The following C5AR2 variants were observed in gnomAD, a reference collection of about 807,000 sequenced individuals.
C5AR2 encodes C5a anaphylatoxin chemotactic receptor 2.
For synonymous variants in C5AR2, 224 were observed against 216.5 expected (o/e 1.03, Z -0.30); for missense variants, 458 against 467.5 (o/e 0.98, Z 0.19).
chr19:47,340,927 C>A lies in C5AR2; in HGVS notation c.128C>A (p.Ala43Asp). 1 of 1,612,364 alleles carries A rather than the reference C, an allele frequency of 6.2e-7. No individual in the cohort carries two copies. Among genetic ancestry groups the A allele is most frequent in the Non-Finnish European group, 8.5e-7 (1 of 1,179,926 alleles). Residue 43 changes from alanine (A) to aspartate (D), a missense_variant, in exon 2 of 2, where the codon GCC becomes GAC. Physicochemically the swap from Ala to Asp is moderately radical, Grantham distance 126. Coordinates refer to ENST00000595464, the MANE Select transcript of C5AR2 (RefSeq NM_001271749.2). Reference protein sequence around the residue: ...PLRVAPLPLYAAIFLVGVPGN... With the variant: ...PLRVAPLPLYDAIFLVGVPGN... ...CGCGTGGCCCCGCTCCCACTGTATG[C>A]CGCCATCTTCCTGGTGGGGGTGCCG...
chr19:47,340,673 C>A, intron 1 of C5AR2, 112 bp from the exon 2 acceptor site: 1 of 935,012 alleles, frequency 1.1e-6, no homozygotes, highest in Non-Finnish European at 1.7e-6. Context: ...GTCCTTATGA[C>A]GCAATATTCC....
chr19:47,333,526 G>T (rs866968156), intron 1 of C5AR2, among the ~76,000 whole-genome samples: 2 of 151,968 alleles, frequency 1.3e-5, no homozygotes, highest in South Asian at 4.1e-4. Context: ...CTGATTGCTG[G>T]GTCGTGAGGG....
chr19:47,338,259 G>A lies in C5AR2; in HGVS notation c.-15-2526G>A, dbSNP rs145830117. On this transcript the variant is annotated intron_variant, in intron 1 of 1. Transcript: ENST00000595464. ...CACTGCACTCCAGCGTTGGCAAGATGGCGAGACCCTGTCTCTAAAAAAAAT... is the reference window on the plus strand; with the variant it reads ...CACTGCACTCCAGCGTTGGCAAGATAGCGAGACCCTGTCTCTAAAAAAAAT... Among the ~76,000 whole-genome samples, 1,095 of 108,804 alleles carry A rather than the reference G, an allele frequency of 0.01. 21 individuals are homozygous for A. In the East Asian group the frequency reaches 0.12, roughly 12 times the overall value. The allele number at this position is 108,804 out of a possible 152,430, so 71.4% of individuals were successfully genotyped here.
chr19:47,347,229 T>C lies in C5AR2; in HGVS notation c.*5416T>C, dbSNP rs1969132489. 1 of 152,192 alleles carries C rather than the reference T, an allele frequency of 6.6e-6. No homozygotes were observed. The highest frequency in any genetic ancestry group is 1.5e-5 in the Non-Finnish European group (1 of 68,042). 9.4% of individuals were successfully genotyped at this position (152,192 alleles called of 1,614,324 possible). A position where few individuals can be genotyped will look rare whatever the true frequency, so the allele number is the denominator to read the frequency against. On this transcript the variant is annotated 3_prime_UTR_variant, in exon 2 of 2. Transcript: ENST00000595464. ...AACTAGTCTCAAGCTTGCTATACAA[T>C]CCTATGGTTGATAGACTGTGGCTTT...
At position 47,340,831 on chromosome 19, in the gene C5AR2, G is replaced by T. The variant is rs1339674526; in HGVS notation, c.32G>T (p.Gly11Val). The T allele has an allele frequency of 6.8e-6, 11 of 1,613,476 alleles. No homozygotes were observed. Among genetic ancestry groups the T allele is most frequent in the Non-Finnish European group, 8.5e-6 (10 of 1,180,008 alleles). The change falls in exon 2 of 2, where the codon GGG becomes GTG. Residue 11 changes from glycine to valine, a missense_variant. Gly to Val is a moderately radical substitution (Grantham distance 109). Coordinates refer to ENST00000595464, the MANE Select transcript of C5AR2 (RefSeq NM_001271749.2). MGNDSVSYEY[G>V]DYSDLSDRPV... ...AACGATTCTGTCAGCTACGAGTATGGGGATTACAGCGACCTCTCGGACCGC... is the reference window on the plus strand; with the variant it reads ...AACGATTCTGTCAGCTACGAGTATGTGGATTACAGCGACCTCTCGGACCGC...
chr19:47,341,525 T>G lies in C5AR2; in HGVS notation c.726T>G (p.Phe242Leu). The G allele has an allele frequency of 6.2e-7, 1 of 1,612,236 alleles. No homozygotes were observed. The highest frequency in any genetic ancestry group is 1.1e-5 in the South Asian group (1 of 91,048). The change falls in exon 2 of 2, where the codon TTT becomes TTG. Residue 242 changes from phenylalanine to leucine, a missense_variant. By Grantham distance (22) the Phe-to-Leu change is conservative. Coordinates refer to ENST00000595464, the MANE Select transcript of C5AR2 (RefSeq NM_001271749.2). The surrounding 1 kb of genome is among the most constrained non-coding windows in gnomAD (Gnocchi z 4.6). ...TGGGCACAGCCATTGTGGTGGGGTT[T>G]TTTGTCTGCTGGGCACCCTACCACC... ...RPLGTAIVVG[F>L]FVCWAPYHLL...
chr19:47,341,346 C>T lies in C5AR2; in HGVS notation c.547C>T (p.Arg183Trp), dbSNP rs777081389. 1.4e-5 allele frequency: 22 copies of T among 1,612,056 alleles called. No homozygotes were observed. Among genetic ancestry groups the T allele is most frequent in the African/African-American group, 4.0e-5 (3 of 74,922 alleles). ...GCTGCACCAGGAGCACTTCCCAGCCCGGCTGCAGTGTGTGGTGGACTACGG... is the reference window on the plus strand; with the variant it reads ...GCTGCACCAGGAGCACTTCCCAGCCTGGCTGCAGTGTGTGGTGGACTACGG... ...RRLHQEHFPA[R>W]LQCVVDYGGS... Residue 183 changes from arginine to tryptophan, a missense_variant, in exon 2 of 2, where the codon CGG becomes TGG. By Grantham distance (101) the Arg-to-Trp change is moderately radical. Coordinates refer to ENST00000595464, the MANE Select transcript of C5AR2 (RefSeq NM_001271749.2). This position sits in a 1 kb window ranked among gnomAD's most constrained non-coding sequence, Gnocchi z 4.6.
In C5AR2 at chr19:47,343,018, A is replaced by C. The variant is rs1041325930; in HGVS notation, c.*1205A>C. ...TGAACCTGTGAAGAGGTGACCTTCC[A>C]TGGCAAAAGGGACTTTGCAGGTGAG... On this transcript the variant is annotated 3_prime_UTR_variant, in exon 2 of 2. Transcript: ENST00000595464. The C allele has an allele frequency of 6.6e-6, 1 of 152,106 alleles. No individual in the cohort carries two copies. Among genetic ancestry groups the C allele is most frequent in the African/African-American group, 2.4e-5 (1 of 41,408 alleles). 9.4% of individuals were successfully genotyped at this position (152,106 alleles called of 1,614,324 possible).
At chr19:47,340,622 A>G (rs1327611838) in intron 1 of C5AR2, among the ~76,000 whole-genome samples, 163 bp from the exon 2 acceptor site, 1 of 152,144 alleles carries the variant, frequency 6.6e-6, no homozygotes, top group Non-Finnish European at 1.5e-5. Context: ...GGTGTGAGCC[A>G]CCACACCCGG....
At chr19:47,335,781 AAAAAAAAAAAAAAAAAAAAAAG>A (rs1452563270) in intron 1 of C5AR2, among the ~76,000 whole-genome samples, 6 of 131,754 alleles carry the variant, frequency 4.6e-5, no homozygotes, top group South Asian at 2.4e-4. Context: ...CAAAAAAAAA[AAAAAAAAAAAAAAAAAAAAAAG>A]AAAGTTTTCG....
intron 1 of C5AR2, among the ~76,000 whole-genome samples, chr19:47,334,261 G>T (rs1037754056): frequency 4.6e-5 from 7 of 152,032 alleles, no homozygotes; most frequent in Non-Finnish European, 1.0e-4. Context: ...GAAATAATAA[G>T]AAGGGTACCT....
At chr19:47,333,985 C>G (rs1006282158) in intron 1 of C5AR2, among the ~76,000 whole-genome samples, 1 of 152,140 alleles carries the variant, frequency 6.6e-6, no homozygotes, top group Non-Finnish European at 1.5e-5. Flanking sequence ...TGCTTGCAAT[C>G]ACAACAAAAG....
In C5AR2 at chr19:47,341,723, C is replaced by T. The variant is rs1272854387; in HGVS notation, c.924C>T (p.His308=). The stretch of plus-strand genomic sequence containing the variant: ...GCCGGTCACTGCCAGCTGCCTGTCA[C>T]TGGGCCCTGAGGGAGTCCCAGGGCC... ...QLRRSLPAAC[H]WALRESQGQD... The change falls in exon 2 of 2, where the codon CAC becomes CAT. Residue 308 remains histidine (H), a synonymous_variant. Coordinates refer to ENST00000595464, the MANE Select transcript of C5AR2 (RefSeq NM_001271749.2). This position sits in a 1 kb window ranked among gnomAD's most constrained non-coding sequence, Gnocchi z 4.6. The T allele has an allele frequency of 3.7e-6, 6 of 1,613,870 alleles. No individual in the cohort carries two copies.
At chr19:47,336,158 T>G (rs903458695) in intron 1 of C5AR2, among the ~76,000 whole-genome samples, 1 of 151,962 alleles carries the variant, frequency 6.6e-6, no homozygotes, top group Non-Finnish European at 1.5e-5. Context: ...GGCATGATCT[T>G]GGCTCACTGC....
chr19:47,338,093 A>G (rs2059365475), intron 1 of C5AR2, among the ~76,000 whole-genome samples: 1 of 151,568 alleles, frequency 6.6e-6, no homozygotes, highest in African/African-American at 2.4e-5. Context: ...AAATAAATAA[A>G]ATAAAATAAA....
intron 1 of C5AR2, among the ~76,000 whole-genome samples, chr19:47,332,656 TC>T: frequency 6.6e-6 from 1 of 152,232 alleles, no homozygotes; most frequent in South Asian, 2.1e-4. Context: ...AACCTCCACC[TC>T]CCAGGTTCAA....
At position 47,344,444 on chromosome 19, in the gene C5AR2, T is replaced by C. The variant is rs1969089927; in HGVS notation, c.*2631T>C. 6.6e-6 allele frequency: 1 copy of C among 152,180 alleles called. No individual in the cohort carries two copies. 9.4% of individuals were successfully genotyped at this position (152,180 alleles called of 1,614,324 possible). A position where few individuals can be genotyped will look rare whatever the true frequency, so the allele number is the denominator to read the frequency against. On this transcript the variant is annotated 3_prime_UTR_variant, in exon 2 of 2. Transcript: ENST00000595464. ...ACATATAGTTTCTCCTTTAAGGTCA[T>C]TCTCACAACAGCCCAGGGAGATAGG...
rs1468696900 is a variant in C5AR2, at chr19:47,343,442, ACTGG to A, written c.*1634_*1637del. ...TCTGCATCTTTCCTGAAGCTGTGCC[ACTGG>A]CTGGAATGTCCTTCTGATCTATGTT... On this transcript the variant is annotated 3_prime_UTR_variant, in exon 2 of 2. Transcript: ENST00000595464. The A allele has an allele frequency of 2.6e-5, 4 of 152,200 alleles. No individual in the cohort carries two copies. The highest frequency in any genetic ancestry group is 5.9e-5 in the Non-Finnish European group (4 of 68,040). The allele number at this position is 152,200 out of a possible 1,614,324, so 9.4% of individuals were successfully genotyped here.
intron 1 of C5AR2, among the ~76,000 whole-genome samples, chr19:47,338,687 A>AATAATAATAATT (rs1332634796): frequency 1.4e-5 from 2 of 144,452 alleles, no homozygotes; most frequent in East Asian, 2.0e-4. Context: ...TAATAATAAT[A>AATAATAATAATT]ATTAATCAGG....
Sources: allele counts gnomAD v4.1 joint callset (sites outside exome capture counted in the v4.1 genomes callset), GRCh38; gene constraint gnomAD v4.1.1; non-coding constraint Gnocchi (gnomAD v3.1); transcripts MANE v1.5; gene names NCBI Gene and HGNC (gene_info 2026-07-23, HGNC 2026-07-21).